CTDSPL2: variants seen among roughly 807,000 people sequenced by gnomAD.
The protein encoded by CTDSPL2 is CTD small phosphatase like 2.
In CTDSPL2, 5 loss-of-function variants were observed where a neutral mutation model predicts 60.0. That is an observed-to-expected ratio of 0.08 (90% CI 0.04 to 0.18). The LOEUF is 0.18. CTDSPL2 is among the 10% of genes least tolerant of loss of function. The pLI is 1.00. For synonymous variants in CTDSPL2, 186 were observed against 189.3 expected (o/e 0.98, Z 0.14); for missense variants, 370 against 548.8 (o/e 0.67, Z 3.26).
chr15:44,498,139 T>TTAAAA (rs2081332147), intron 7 of CTDSPL2, among the ~76,000 whole-genome samples: 1 of 152,220 alleles, frequency 6.6e-6, no homozygotes, highest in Non-Finnish European at 1.5e-5. Context: ...AAAATCTGTT[T>TTAAAA]ACTTTTTTTA....
chr15:44,491,399 C>G (rs917689079), intron 5 of CTDSPL2, among the ~76,000 whole-genome samples: 1 of 152,142 alleles, frequency 6.6e-6, no homozygotes, highest in African/African-American at 2.4e-5. Context: ...AATGACATCC[C>G]CCCAAAAACT....
At position 44,450,878 on chromosome 15, in the gene CTDSPL2, G is replaced by T. The variant is rs549846300; in HGVS notation, c.-24-8113G>T. Among the ~76,000 whole-genome samples, 135 of 152,102 alleles carry T rather than the reference G, an allele frequency of 8.9e-4. 1 individual carries two copies. Among genetic ancestry groups the T allele is most frequent in the Admixed American group, 1.6e-3 (24 of 15,248 alleles). ...CTCCCAAAGTGCTGGGATTACAGGC[G>T]TGAGCCACTGCATCTGGCCAATATT... is the stretch of plus-strand genomic sequence containing the variant. On this transcript the variant is annotated intron_variant, in intron 1 of 12. Coordinates refer to ENST00000260327, the MANE Select transcript of CTDSPL2 (RefSeq NM_016396.3).
intron 2 of CTDSPL2, among the ~76,000 whole-genome samples, chr15:44,482,211 ATCAT>A (rs1302778747): frequency 6.6e-6 from 1 of 152,026 alleles, no homozygotes; most frequent in East Asian, 1.9e-4. Flanking sequence ...CAGTGGTGCA[ATCAT>A]AGCTCCCTGC....
At chr15:44,510,984 A>T (rs555116878) in intron 8 of CTDSPL2, among the ~76,000 whole-genome samples, 46 of 152,280 alleles carry the variant, frequency 3.0e-4, no homozygotes, top group African/African-American at 1.0e-3. Flanking sequence ...CTTATGTCTC[A>T]TCTCTACTTC....
chr15:44,467,921 T>C (rs1178027697), intron 2 of CTDSPL2, among the ~76,000 whole-genome samples: 1 of 152,186 alleles, frequency 6.6e-6, no homozygotes, highest in South Asian at 2.1e-4. Context: ...TTTTTTTGAA[T>C]GGAAATCGTA....
intron 1 of CTDSPL2, among the ~76,000 whole-genome samples, chr15:44,428,882 T>C (rs1241680668): frequency 2.0e-5 from 3 of 152,218 alleles, no homozygotes; most frequent in African/African-American, 7.2e-5. Flanking sequence ...TTTTCTTTCC[T>C]TTTTTTTAAA....
At chr15:44,469,691 G>A (rs903712993) in intron 2 of CTDSPL2, among the ~76,000 whole-genome samples, 3 of 152,104 alleles carry the variant, frequency 2.0e-5, no homozygotes, top group African/African-American at 7.2e-5. Flanking sequence ...ATATTTCGGA[G>A]TTGTTCAGTG....
In CTDSPL2 at chr15:44,429,461, TG is replaced by T. The variant is rs2079813508; in HGVS notation, c.-25+1690del. On this transcript the variant is annotated intron_variant, in intron 1 of 12. Transcript: ENST00000260327. ...TTAATGTTTTTAATAAAAATTAGTT[TG>T]CAGCTAGCTGAGTGAGCATTGTAGA... 2.0e-5 allele frequency among the ~76,000 whole-genome samples: 3 copies of T among 152,232 alleles called. 1 individual carries two copies. The South Asian group carries it at 6.2e-4, about 32-fold the overall frequency.
chr15:44,461,575 T>C (rs1418152873), intron 2 of CTDSPL2, among the ~76,000 whole-genome samples: 1 of 120,878 alleles, frequency 8.3e-6, no homozygotes, highest in Non-Finnish European at 1.7e-5. Context: ...TTCTCTCCCT[T>C]TTTTTTTTTT....
chr15:44,430,232 A>G (rs1003234082), intron 1 of CTDSPL2, among the ~76,000 whole-genome samples: 1 of 152,176 alleles, frequency 6.6e-6, no homozygotes, highest in East Asian at 1.9e-4. Flanking sequence ...ATTTGTAGCT[A>G]TAGATTTTAT....
At chr15:44,519,524 A>G (rs543434492) in intron 11 of CTDSPL2, 38 of 368,224 alleles carry the variant, frequency 1.0e-4, no homozygotes, top group East Asian at 9.1e-4. Flanking sequence ...TAAGAAAACT[A>G]TAAGATAAGC....
intron 1 of CTDSPL2, among the ~76,000 whole-genome samples, chr15:44,436,691 A>G (rs1348275034): frequency 2.0e-5 from 3 of 152,212 alleles, no homozygotes; most frequent in African/African-American, 2.4e-5. Context: ...AGAACCTTGC[A>G]TGCATGTATT....
chr15:44,512,243 C>T (rs1288359226), intron 8 of CTDSPL2, among the ~76,000 whole-genome samples: 5 of 151,456 alleles, frequency 3.3e-5, no homozygotes, highest in East Asian at 3.9e-4. Flanking sequence ...ACTGACATGA[C>T]GTTCAAAGGA....
intron 10 of CTDSPL2, among the ~76,000 whole-genome samples, chr15:44,515,106 CGG>C (rs888521473): frequency 1.3e-5 from 2 of 150,074 alleles, no homozygotes; most frequent in Non-Finnish European, 2.9e-5. Flanking sequence ...TTGGGGAAGA[CGG>C]GGGTTGGGGG....
chr15:44,431,082 A>G (rs1159842085), intron 1 of CTDSPL2, among the ~76,000 whole-genome samples: 1 of 151,210 alleles, frequency 6.6e-6, no homozygotes, highest in Non-Finnish European at 1.5e-5. Flanking sequence ...TCGGCCTCCC[A>G]AAGTGCTGGG....
In CTDSPL2 at chr15:44,524,397, T is replaced by G. The variant is rs1175765967; in HGVS notation, c.*223T>G. ...GCTAAAACAGAAGAGTCTTTAGAACTAGTGCAACTCCAGTGAAATTTTTTA... is the reference window on the plus strand; with the variant it reads ...GCTAAAACAGAAGAGTCTTTAGAACGAGTGCAACTCCAGTGAAATTTTTTA... On this transcript the variant is annotated 3_prime_UTR_variant, in exon 13 of 13. Transcript: ENST00000260327. The G allele has an allele frequency of 2.0e-6, 1 of 494,356 alleles. No homozygotes were observed. The highest frequency in any genetic ancestry group is 2.0e-5 in the African/African-American group (1 of 51,220). The allele number at this position is 494,356 out of a possible 1,614,324, so 30.6% of individuals were successfully genotyped here.
At chr15:44,491,577 C>G (rs1351024391) in intron 5 of CTDSPL2, among the ~76,000 whole-genome samples, 1 of 152,088 alleles carries the variant, frequency 6.6e-6, no homozygotes, top group Non-Finnish European at 1.5e-5. Context: ...AGACAGGGTA[C>G]AAGATGGAAT....
intron 8 of CTDSPL2, among the ~76,000 whole-genome samples, chr15:44,514,151 TA>T (rs1265701715): frequency 6.6e-6 from 1 of 152,200 alleles, no homozygotes; most frequent in Non-Finnish European, 1.5e-5. Flanking sequence ...AAAATAGAGA[TA>T]TTTTTAGCAG....
At position 44,527,558 on chromosome 15, in the gene CTDSPL2, T is replaced by A. The variant is rs979559700; in HGVS notation, c.*3384T>A. Reference sequence around the variant, plus strand: ...CATAAAGCTAAAATGTAAAGGACATTGAAGCCTTTATTTAATTGTACTAAT... The same window carrying A: ...CATAAAGCTAAAATGTAAAGGACATAGAAGCCTTTATTTAATTGTACTAAT... On this transcript the variant is annotated 3_prime_UTR_variant, in exon 13 of 13. Coordinates refer to ENST00000260327, the MANE Select transcript of CTDSPL2 (RefSeq NM_016396.3). 8 of 152,214 alleles carry A rather than the reference T, an allele frequency of 5.3e-5. No individual in the cohort carries two copies. The highest frequency in any genetic ancestry group is 1.9e-4 in the African/African-American group (8 of 41,466). 9.4% of individuals were successfully genotyped at this position (152,214 alleles called of 1,614,324 possible). A position where few individuals can be genotyped will look rare whatever the true frequency, so the allele number is the denominator to read the frequency against.
Sources: allele counts gnomAD v4.1 joint callset (sites outside exome capture counted in the v4.1 genomes callset), GRCh38; gene constraint gnomAD v4.1.1; transcripts MANE v1.5; gene names NCBI Gene and HGNC (gene_info 2026-07-23, HGNC 2026-07-21).